The following RFX2 variants were observed in gnomAD, a reference collection of about 807,000 sequenced individuals.
RFX2 encodes the protein regulatory factor X2, also known as DNA-binding protein RFX2.
In RFX2, 20 loss-of-function variants were observed where a neutral mutation model predicts 87.8. The observed-to-expected ratio is 0.23, with a 90% confidence interval of 0.16 to 0.33. The LOEUF (loss-of-function observed/expected upper bound fraction) is 0.33. Among genes scored for constraint, RFX2 ranks in the 10% least tolerant of loss-of-function variants. The pLI, the probability that RFX2 is intolerant of heterozygous loss-of-function variation, is 1.00. For missense variants in RFX2, 767 were observed against 1,012.3 expected, an observed-to-expected ratio of 0.76 and a Z score of 3.29; for synonymous variants, 397 against 431.3, an observed-to-expected ratio of 0.92 and a Z score of 0.98.
chr19:6,093,547 TA>T (rs2087976066), intron 1 of RFX2, among the ~76,000 whole-genome samples: 1 of 151,332 alleles, frequency 6.6e-6, no homozygotes, highest in South Asian at 2.1e-4. Context: ...AAAAATAAAA[TA>T]AAATAGAATA....
At position 6,002,113 on chromosome 19, in the gene RFX2, C is replaced by T. The variant is rs528128916; in HGVS notation, c.1651-90G>A. 161 of 1,177,478 alleles carry T rather than the reference C, an allele frequency of 1.4e-4. No homozygotes were observed. The highest frequency in any genetic ancestry group is 1.8e-4 in the Admixed American group (7 of 37,876). 72.9% of individuals were successfully genotyped at this position (1,177,478 alleles called of 1,614,324 possible). On this transcript the variant is annotated intron_variant, in intron 14 of 17. Coordinates refer to ENST00000303657, the MANE Select transcript of RFX2 (RefSeq NM_000635.4). The surrounding 1 kb of genome is among the most constrained non-coding windows in gnomAD (Gnocchi z 6.7). Reference sequence around the variant, plus strand: ...CCTAGCCATGCTCAGGGCGGGACATCGTGCTGTGCTTGAGCCTTCTCGCCC... The same window carrying T: ...CCTAGCCATGCTCAGGGCGGGACATTGTGCTGTGCTTGAGCCTTCTCGCCC...
intron 1 of RFX2, among the ~76,000 whole-genome samples, chr19:6,098,327 A>G (rs906526503): frequency 6.6e-6 from 1 of 152,118 alleles, no homozygotes; most frequent in East Asian, 1.9e-4. Flanking sequence ...GTGGGGCTAC[A>G]TTGCGGGAAC....
At chr19:6,072,563 G>C (rs2087622774) in intron 1 of RFX2, among the ~76,000 whole-genome samples, 1 of 152,034 alleles carries the variant, frequency 6.6e-6, no homozygotes, top group Non-Finnish European at 1.5e-5. Flanking sequence ...AAAATTATTC[G>C]GGTAAGGTGG....
At chr19:6,077,165 G>C (rs1248867490) in intron 1 of RFX2, 1 of 152,240 alleles carries the variant, frequency 6.6e-6, no homozygotes, top group Non-Finnish European at 1.5e-5. Context: ...GCCGGTGAGA[G>C]GGAGTGAGCC....
intron 1 of RFX2, among the ~76,000 whole-genome samples, chr19:6,067,146 T>C (rs2087526231): frequency 6.6e-6 from 1 of 152,150 alleles, no homozygotes; most frequent in Non-Finnish European, 1.5e-5. Context: ...TGCCCTTTTC[T>C]CCAAGAGGAA....
In RFX2 at chr19:6,012,446, AG is replaced by A. The variant is rs1432597353; in HGVS notation, c.899+539del. ...GGAAAGCTGGGTAGGCAGAACATGG[AG>A]GATGTGTAGGACTGTGAAAGGACTC... On this transcript the variant is annotated intron_variant, in intron 8 of 17. Coordinates refer to ENST00000303657, the MANE Select transcript of RFX2 (RefSeq NM_000635.4). This position sits in a 1 kb window ranked among gnomAD's most constrained non-coding sequence, Gnocchi z 4.6. Among the ~76,000 whole-genome samples the A allele has an allele frequency of 2.0e-4, 30 of 152,232 alleles. No homozygotes were observed. Among genetic ancestry groups the A allele is most frequent in the African/African-American group, 6.3e-4 (26 of 41,528 alleles).
intron 1 of RFX2, among the ~76,000 whole-genome samples, chr19:6,079,568 C>T (rs960556563): frequency 6.6e-6 from 1 of 152,130 alleles, no homozygotes; most frequent in Non-Finnish European, 1.5e-5. Flanking sequence ...TGCTCTCCAT[C>T]CTGTTTGAGA....
intron 15 of RFX2, among the ~76,000 whole-genome samples, chr19:6,000,522 T>A (rs532741660): frequency 8.4e-4 from 128 of 152,308 alleles, no homozygotes; most frequent in African/African-American, 3.0e-3. Flanking sequence ...GGGAGGGACC[T>A]GGTGGGAGGT....
chr19:5,994,728 A>G lies in RFX2; in HGVS notation c.*107T>C, dbSNP rs768432905. 2.8e-6 allele frequency: 2 copies of G among 718,652 alleles called. No individual in the cohort carries two copies. Among genetic ancestry groups the G allele is most frequent in the Non-Finnish European group, 4.7e-6 (2 of 424,320 alleles). 44.5% of individuals were successfully genotyped at this position (718,652 alleles called of 1,614,324 possible). On this transcript the variant is annotated 3_prime_UTR_variant, in exon 18 of 18. Transcript: ENST00000303657. ...AGCCCCCGCTTGAGTCAAAGTAAAC[A>G]TCACATCATCTAAGAGGCACTAATT...
intron 1 of RFX2, among the ~76,000 whole-genome samples, chr19:6,087,915 G>A (rs1412874142): frequency 6.6e-6 from 1 of 152,142 alleles, no homozygotes; most frequent in Non-Finnish European, 1.5e-5. Flanking sequence ...CTCCCCAGGA[G>A]TCTCACTCCT....
At chr19:6,091,122 G>A (rs999667327) in intron 1 of RFX2, among the ~76,000 whole-genome samples, 4 of 152,168 alleles carry the variant, frequency 2.6e-5, no homozygotes, top group Non-Finnish European at 5.9e-5. Flanking sequence ...TCTGGAATTA[G>A]AGAGTGATGA....
rs1040761240 is a variant in RFX2 at position 6,061,962 on chromosome 19, C to T, written c.-8-14458G>A. Among the ~76,000 whole-genome samples, 7 of 152,114 alleles carry T rather than the reference C, an allele frequency of 4.6e-5. No homozygotes were observed. Among genetic ancestry groups the T allele is most frequent in the African/African-American group, 1.7e-4 (7 of 41,506 alleles). ...TTCGAGACCAGCCTGGGCAACATAG[C>T]GAGGCCCCATCTCTACAAACAAACA... On this transcript the variant is annotated intron_variant, in intron 1 of 17. Transcript: ENST00000303657. The surrounding 1 kb of genome is among the most constrained non-coding windows in gnomAD (Gnocchi z 5.2).
Position 6,004,379 on chromosome 19 carries a change from G to C in RFX2, c.1403-81C>G. ...AAATCAGCATTCAGTGTAAGAGCTG[G>C]CCCAAGTGCGATGAAAATGACCACC... On this transcript the variant is annotated intron_variant, in intron 12 of 17. Coordinates refer to ENST00000303657, the MANE Select transcript of RFX2 (RefSeq NM_000635.4). The surrounding 1 kb of genome is among the most constrained non-coding windows in gnomAD (Gnocchi z 4.8). The C allele has an allele frequency of 8.6e-7, 1 of 1,161,520 alleles. No homozygotes were observed. The highest frequency in any genetic ancestry group is 1.3e-6 in the Non-Finnish European group (1 of 770,652). 72.0% of individuals were successfully genotyped at this position (1,161,520 alleles called of 1,614,324 possible).
chr19:6,006,460 ATT>A lies in RFX2; in HGVS notation c.1402+550_1402+551del, dbSNP rs35404707. Among the ~76,000 whole-genome samples the A allele has an allele frequency of 5.5e-3, 602 of 108,544 alleles. 6 individuals are homozygous for A. Among genetic ancestry groups the A allele is most frequent in the African/African-American group, 0.023 (539 of 23,924 alleles). The allele number at this position is 108,544 out of a possible 152,430, so 71.2% of individuals were successfully genotyped here. On this transcript the variant is annotated intron_variant, in intron 12 of 17. Transcript: ENST00000303657. ...AGGCACACACCACCATGCCCAGCTCATTTTTTTTTTTTTTTTTTTTTTGAGAC... is the reference window on the plus strand; with the variant it reads ...AGGCACACACCACCATGCCCAGCTCATTTTTTTTTTTTTTTTTTTTGAGAC...
At chr19:6,077,131 C>G (rs758362207) in intron 1 of RFX2, 1 of 152,226 alleles carries the variant, frequency 6.6e-6, no homozygotes, top group South Asian at 2.1e-4. Context: ...GTGATTGATG[C>G]GGACTGTGTT....
intron 1 of RFX2, among the ~76,000 whole-genome samples, chr19:6,087,457 G>A (rs959603128): frequency 2.0e-5 from 3 of 152,150 alleles, no homozygotes; most frequent in Non-Finnish European, 2.9e-5. Flanking sequence ...TGCCAGAGGC[G>A]AGTAAAGGGA....
intron 1 of RFX2, among the ~76,000 whole-genome samples, chr19:6,085,153 T>C (rs2087839665): frequency 6.6e-6 from 1 of 152,174 alleles, no homozygotes; most frequent in South Asian, 2.1e-4. Flanking sequence ...CATGCTGCTA[T>C]GAACATGAGT....
In RFX2 at chr19:5,998,483, C is replaced by A. The variant is rs369152700; in HGVS notation, c.1860-1270G>T. On this transcript the variant is annotated intron_variant, in intron 15 of 17. Transcript: ENST00000303657. This position sits in a 1 kb window ranked among gnomAD's most constrained non-coding sequence, Gnocchi z 4.2. ...TCTGTTACGTCTAATCGGTATCGAGCGATAAAAAGAAGACACAGGCTTGAG... is the reference window on the plus strand; with the variant it reads ...TCTGTTACGTCTAATCGGTATCGAGAGATAAAAAGAAGACACAGGCTTGAG... Among the ~76,000 whole-genome samples the A allele has an allele frequency of 6.6e-6, 1 of 152,158 alleles. No homozygotes were observed. The highest frequency in any genetic ancestry group is 1.5e-5 in the Non-Finnish European group (1 of 68,040).
In RFX2 at chr19:6,012,296, C is replaced by T. The variant is rs144194724; in HGVS notation, c.899+690G>A. ...CTTCTTGGGTTATTTGCAGTGTCCT[C>T]TCTCTCTTTACTTCCTAAGCTTTAA... On this transcript the variant is annotated intron_variant, in intron 8 of 17. Coordinates refer to ENST00000303657, the MANE Select transcript of RFX2 (RefSeq NM_000635.4). The surrounding 1 kb of genome is among the most constrained non-coding windows in gnomAD (Gnocchi z 4.6). The T allele has an allele frequency of 6.6e-6, 1 of 152,254 alleles. No homozygotes were observed. The highest frequency in any genetic ancestry group is 1.5e-5 in the Non-Finnish European group (1 of 68,062). The allele number at this position is 152,254 out of a possible 1,614,324, so 9.4% of individuals were successfully genotyped here. A position where few individuals can be genotyped will look rare whatever the true frequency, so the allele number is the denominator to read the frequency against.
Sources: gnomAD v4.1 joint callset for allele counts (sites outside exome capture counted in the v4.1 genomes callset) on GRCh38, gnomAD v4.1.1 for gene constraint, Gnocchi (gnomAD v3.1) non-coding constraint, MANE v1.5 for transcripts, NCBI Gene and HGNC (gene_info 2026-07-23, HGNC 2026-07-21) for gene names.